LMX1B: variants seen among roughly 807,000 people sequenced by gnomAD.
LMX1B encodes the protein LIM homeobox transcription factor 1-beta.
LMX1B carries 12 observed loss-of-function variants against 51.4 expected under a neutral mutation model. The observed-to-expected ratio is 0.23, with a 90% CI of 0.15 to 0.38. The LOEUF (loss-of-function observed/expected upper bound fraction) is 0.38. LMX1B is among the 10% of genes least tolerant of loss of function. The probability of loss-of-function intolerance (pLI) is 1.00; values close to 1 mark genes in which losing one functional copy is unlikely to be tolerated. For synonymous variants in LMX1B, 237 were observed against 235.4 expected (o/e 1.01, Z -0.06); for missense variants, 445 against 571.1 (o/e 0.78, Z 2.25).
Position 126,614,106 on chromosome 9 carries a change from G to T in LMX1B, c.-344G>T. ...CCCACCCCCTCCCCCGCCTGCCGCCGCCGCCACCGCCACCGCCGCCGCCGC... is the reference window on the plus strand; with the variant it reads ...CCCACCCCCTCCCCCGCCTGCCGCCTCCGCCACCGCCACCGCCGCCGCCGC... On this transcript the variant is annotated 5_prime_UTR_variant, in exon 1 of 8. Transcript: ENST00000373474. 9.2e-6 allele frequency among the ~76,000 whole-genome samples: 1 copy of T among 108,184 alleles called. No individual in the cohort carries two copies. Among genetic ancestry groups the T allele is most frequent in the South Asian group, 3.2e-4 (1 of 3,086 alleles). The allele number at this position is 108,184 out of a possible 152,430, so 71.0% of individuals were successfully genotyped here. A position where few individuals can be genotyped will look rare whatever the true frequency, so the allele number is the denominator to read the frequency against.
intron 2 of LMX1B, among the ~76,000 whole-genome samples, chr9:126,663,271 A>G (rs552625393): frequency 6.6e-6 from 1 of 152,136 alleles, no homozygotes; most frequent in East Asian, 1.9e-4. Context: ...TACTAAAAAT[A>G]CAAAGAATTA....
At chr9:126,619,327 G>T (rs1008788133) in intron 2 of LMX1B, among the ~76,000 whole-genome samples, 1 of 152,136 alleles carries the variant, frequency 6.6e-6, no homozygotes, top group African/African-American at 2.4e-5. Context: ...TGTGGCCCAG[G>T]GGGAGAGCAG....
At position 126,651,155 on chromosome 9, in the gene LMX1B, C is replaced by T. The variant is rs191433477; in HGVS notation, c.326+35586C>T. On this transcript the variant is annotated intron_variant, in intron 2 of 7. Coordinates refer to ENST00000373474, the MANE Select transcript of LMX1B (RefSeq NM_001174147.2). ...TCTCTCTCTCTCTCTCCCTCCCCATCTCTCTCTCTCTCCCTCCTTCTCTCC... is the reference window on the plus strand; with the variant it reads ...TCTCTCTCTCTCTCTCCCTCCCCATTTCTCTCTCTCTCCCTCCTTCTCTCC... Among the ~76,000 whole-genome samples, 533 of 151,902 alleles carry T rather than the reference C, an allele frequency of 3.5e-3. 4 individuals are homozygous for T. The highest frequency in any genetic ancestry group is 0.012 in the African/African-American group (510 of 41,426).
At chr9:126,644,278 A>G (rs1274725278) in intron 2 of LMX1B, among the ~76,000 whole-genome samples, 1 of 152,210 alleles carries the variant, frequency 6.6e-6, no homozygotes, top group Non-Finnish European at 1.5e-5. Flanking sequence ...AGAGAAATCC[A>G]TAAAGTGCGA....
rs2118818258 is a variant in LMX1B, at chr9:126,614,374, C to G, written c.-76C>G. 1 of 1,135,378 alleles carries G rather than the reference C, an allele frequency of 8.8e-7. No homozygotes were observed. The highest frequency in any genetic ancestry group is 1.1e-6 in the Non-Finnish European group (1 of 914,974). 70.3% of individuals were successfully genotyped at this position (1,135,378 alleles called of 1,614,324 possible). ...CCGCGCCTCCCCGGTTCCAGGGCCG[C>G]GGCGGCGGAGAGCGGGTGGACGGGC... On this transcript the variant is annotated 5_prime_UTR_variant, in exon 1 of 8. Coordinates refer to ENST00000373474, the MANE Select transcript of LMX1B (RefSeq NM_001174147.2).
intron 2 of LMX1B, among the ~76,000 whole-genome samples, chr9:126,652,458 G>A (rs1836038453): frequency 6.6e-6 from 1 of 152,254 alleles, no homozygotes; most frequent in African/African-American, 2.4e-5. Context: ...CGGCCGCATG[G>A]GCGGGGCTGG....
chr9:126,663,288 C>T (rs1373173913), intron 2 of LMX1B, among the ~76,000 whole-genome samples: 2 of 151,892 alleles, frequency 1.3e-5, no homozygotes, highest in African/African-American at 4.8e-5. Flanking sequence ...ATTAGCCAGG[C>T]ATGATGCATG....
At chr9:126,636,873 G>A (rs567263985) in intron 2 of LMX1B, among the ~76,000 whole-genome samples, 2 of 152,324 alleles carry the variant, frequency 1.3e-5, no homozygotes, top group South Asian at 4.1e-4. Context: ...GTGCATGCAG[G>A]CACATGTATG....
intron 2 of LMX1B, among the ~76,000 whole-genome samples, chr9:126,653,788 T>C (rs537897190): frequency 6.3e-4 from 96 of 152,212 alleles, no homozygotes; most frequent in Non-Finnish European, 1.0e-3. Context: ...TTGTGTTGTT[T>C]TGTTATTTAA....
chr9:126,697,839 G>GTT lies in LMX1B; in HGVS notation c.*1391_*1392dup, dbSNP rs1328978841. 1 of 45,376 alleles carries GTT rather than the reference G, an allele frequency of 2.2e-5. No individual in the cohort carries two copies. The highest frequency in any genetic ancestry group is 5.8e-5 in the Non-Finnish European group (1 of 17,182). 2.8% of individuals were successfully genotyped at this position (45,376 alleles called of 1,614,324 possible). On this transcript the variant is annotated 3_prime_UTR_variant, in exon 8 of 8. Coordinates refer to ENST00000373474, the MANE Select transcript of LMX1B (RefSeq NM_001174147.2). ...TATATGCAGGATGGGGGCACCTACT[G>GTT]TTTTGTTTTGTTTTGTTTTGTTTTG...
chr9:126,699,047 T>G lies in LMX1B; in HGVS notation c.*2596T>G, dbSNP rs2030448553. 6.6e-6 allele frequency: 1 copy of G among 152,228 alleles called. No homozygotes were observed. Among genetic ancestry groups the G allele is most frequent in the Admixed American group, 6.5e-5 (1 of 15,284 alleles). 9.4% of individuals were successfully genotyped at this position (152,228 alleles called of 1,614,324 possible). On this transcript the variant is annotated 3_prime_UTR_variant, in exon 8 of 8. Transcript: ENST00000373474. ...TCTGGAGAGACACCCCTCTTTCTCC[T>G]TTTGCACATGCACCATCTGAATCGT...
intron 2 of LMX1B, among the ~76,000 whole-genome samples, chr9:126,661,031 G>C (rs1367830645): frequency 6.6e-6 from 1 of 152,200 alleles, no homozygotes; most frequent in Non-Finnish European, 1.5e-5. Context: ...ATCTGGGATG[G>C]GTAAGAGGTA....
chr9:126,691,905 C>T (rs531731722), intron 3 of LMX1B, among the ~76,000 whole-genome samples: 61 of 152,302 alleles, frequency 4.0e-4, no homozygotes, highest in African/African-American at 1.3e-3. Context: ...AAGGACGAGG[C>T]CAATTTGAAG....
chr9:126,651,261 G>A (rs1451159877), intron 2 of LMX1B, among the ~76,000 whole-genome samples: 4 of 151,980 alleles, frequency 2.6e-5, no homozygotes, highest in Non-Finnish European at 5.9e-5. Flanking sequence ...TTTCTGTTGA[G>A]TCAGCTGAGT....
At chr9:126,683,598 GC>G (rs1021872034) in intron 2 of LMX1B, among the ~76,000 whole-genome samples, 13 of 152,086 alleles carry the variant, frequency 8.5e-5, no homozygotes, top group African/African-American at 3.1e-4. Context: ...CATCATCAGA[GC>G]CCCGTCCCGC....
In LMX1B at chr9:126,696,511, G is replaced by A. The variant is rs958140370; in HGVS notation, c.*60G>A. ...CCTGGGGGGGACTGCCAGCCTCTGC[G>A]GCCAGCCTGGCCACCCCCGCCCTGC... On this transcript the variant is annotated 3_prime_UTR_variant, in exon 8 of 8. Coordinates refer to ENST00000373474, the MANE Select transcript of LMX1B (RefSeq NM_001174147.2). 18 of 1,587,332 alleles carry A rather than the reference G, an allele frequency of 1.1e-5. No individual in the cohort carries two copies. Among genetic ancestry groups the A allele is most frequent in the African/African-American group, 6.7e-5 (5 of 74,274 alleles).
chr9:126,696,591 C>A lies in LMX1B; in HGVS notation c.*140C>A. 1.0e-6 allele frequency: 1 copy of A among 965,880 alleles called. No individual in the cohort carries two copies. The highest frequency in any genetic ancestry group is 1.6e-6 in the Non-Finnish European group (1 of 634,030). 59.8% of individuals were successfully genotyped at this position (965,880 alleles called of 1,614,324 possible). A position where few individuals can be genotyped will look rare whatever the true frequency, so the allele number is the denominator to read the frequency against. On this transcript the variant is annotated 3_prime_UTR_variant, in exon 8 of 8. Transcript: ENST00000373474. The stretch of plus-strand genomic sequence containing the variant: ...GTGCCCTCCCCTCGGCCAGCTGGGC[C>A]TGACCACTGTGCCCGTTGGGTACAG...
chr9:126,669,657 T>C (rs1204153867), intron 2 of LMX1B, among the ~76,000 whole-genome samples: 4 of 152,170 alleles, frequency 2.6e-5, no homozygotes, highest in African/African-American at 7.2e-5. Context: ...CCCAGGTGCC[T>C]GTGTGTACGT....
At chr9:126,652,934 G>C (rs117306147) in intron 2 of LMX1B, among the ~76,000 whole-genome samples, 4 of 152,122 alleles carry the variant, frequency 2.6e-5, no homozygotes, top group Non-Finnish European at 5.9e-5. Context: ...GCCAAGGCAC[G>C]GGCCAGATCA....
Sources: allele counts gnomAD v4.1 joint callset (sites outside exome capture counted in the v4.1 genomes callset), GRCh38; gene constraint gnomAD v4.1.1; transcripts MANE v1.5; gene names NCBI Gene and HGNC (gene_info 2026-07-23, HGNC 2026-07-21).